Variants in CNTLN observed in about 807,000 individuals in gnomAD.
CNTLN encodes centlein, centrosomal protein.
In CNTLN, 212 loss-of-function variants were observed where a neutral mutation model predicts 180.0. The ratio of observed to expected loss-of-function variants is 1.18; its 90% CI spans 1.05 to 1.32. The LOEUF is 1.32. CNTLN is among the 40% of genes most tolerant of loss of function. The pLI, the probability that CNTLN is intolerant of heterozygous loss-of-function variation, is 0.00. For synonymous variants in CNTLN, 722 were observed against 563.1 expected (o/e 1.28, Z -3.99); for missense variants, 2,095 against 1,610.9 (o/e 1.30, Z -5.14).
At chr9:17,163,389 GTA>G (rs1485755387) in intron 2 of CNTLN, among the ~76,000 whole-genome samples, 3 of 152,296 alleles carry the variant, frequency 2.0e-5, no homozygotes, top group African/African-American at 7.2e-5. Context: ...AGAAATAAGA[GTA>G]TAACAAAGTA....
chr9:17,527,569 G>A, the CNTLN span, among the ~76,000 whole-genome samples: 2 of 152,118 alleles, frequency 1.3e-5, no homozygotes, highest in East Asian at 1.9e-4. Flanking sequence ...GGTGGAGTGG[G>A]TACTTACAGA....
chr9:17,381,938 GC>G (rs1009649244), intron 13 of CNTLN, among the ~76,000 whole-genome samples: 39 of 152,214 alleles, frequency 2.6e-4, no homozygotes, highest in Admixed American at 2.4e-3. Flanking sequence ...TGAGTTCTAG[GC>G]TCATTTATAC....
At chr9:17,215,415 T>G (rs927203538) in intron 2 of CNTLN, among the ~76,000 whole-genome samples, 3 of 152,178 alleles carry the variant, frequency 2.0e-5, no homozygotes, top group East Asian at 3.9e-4. Flanking sequence ...CTCTGGAAGC[T>G]TCATCTCAGA....
intron 10 of CNTLN, among the ~76,000 whole-genome samples, chr9:17,339,785 T>G (rs921658838): frequency 1.3e-5 from 2 of 152,210 alleles, no homozygotes; most frequent in Admixed American, 6.5e-5. Context: ...TTCTGAGGAC[T>G]AAGAATTTCG....
chr9:17,451,459 G>A (rs1830771029), intron 18 of CNTLN, among the ~76,000 whole-genome samples: 1 of 152,186 alleles, frequency 6.6e-6, no homozygotes. Context: ...AGATTTTGGA[G>A]AAGTTATTGG....
At chr9:17,351,073 A>G (rs1822322492) in intron 12 of CNTLN, among the ~76,000 whole-genome samples, 1 of 152,196 alleles carries the variant, frequency 6.6e-6, no homozygotes, top group Non-Finnish European at 1.5e-5. Flanking sequence ...TCTCGCCAGT[A>G]TATGAAAAAG....
At chr9:17,470,095 A>T (rs559875656) in intron 23 of CNTLN, among the ~76,000 whole-genome samples, 1 of 151,832 alleles carries the variant, frequency 6.6e-6, no homozygotes, top group Non-Finnish European at 1.5e-5. Flanking sequence ...GTAAACTTGT[A>T]TTTTTCTTTC....
At chr9:17,465,146 T>A (rs2134204264) in intron 21 of CNTLN, among the ~76,000 whole-genome samples, 1 of 150,152 alleles carries the variant, frequency 6.7e-6, no homozygotes, top group African/African-American at 2.4e-5. Context: ...TTGAAGGTGC[T>A]TTTTTCACAA....
intron 3 of CNTLN, among the ~76,000 whole-genome samples, chr9:17,230,631 A>G (rs1242311335): frequency 6.6e-6 from 1 of 151,918 alleles, no homozygotes; most frequent in Non-Finnish European, 1.5e-5. Context: ...CTCTGGTAAA[A>G]TAGTTTTTCT....
intron 21 of CNTLN, among the ~76,000 whole-genome samples, chr9:17,465,068 G>C (rs1831666839): frequency 6.6e-6 from 1 of 150,520 alleles, no homozygotes; most frequent in African/African-American, 2.4e-5. Flanking sequence ...CATGCAAAGG[G>C]AGTTGTAGTT....
At chr9:17,157,296 T>A (rs984347960) in intron 2 of CNTLN, among the ~76,000 whole-genome samples, 1 of 152,188 alleles carries the variant, frequency 6.6e-6, no homozygotes, top group Non-Finnish European at 1.5e-5. Flanking sequence ...TTAGTAATGA[T>A]TTATCTTTTT....
chr9:17,312,630 C>G (rs1819275859), intron 8 of CNTLN, among the ~76,000 whole-genome samples: 1 of 146,648 alleles, frequency 6.8e-6, no homozygotes, highest in Non-Finnish European at 1.5e-5. Flanking sequence ...ATCTCGATCT[C>G]CTGGCCTCGT....
intron 2 of CNTLN, among the ~76,000 whole-genome samples, chr9:17,199,008 A>G (rs972862878): frequency 9.9e-5 from 15 of 152,050 alleles, no homozygotes; most frequent in African/African-American, 3.6e-4. Flanking sequence ...ATGTGTCTTT[A>G]TAGTAGAAGG....
intron 18 of CNTLN, among the ~76,000 whole-genome samples, chr9:17,439,983 A>C (rs1830010068): frequency 6.6e-6 from 1 of 152,184 alleles, no homozygotes; most frequent in Non-Finnish European, 1.5e-5. Flanking sequence ...TAGCAGCCCA[A>C]ACTAAGACAC....
intron 2 of CNTLN, among the ~76,000 whole-genome samples, chr9:17,185,245 A>T (rs1352209209): frequency 6.6e-6 from 1 of 152,182 alleles, no homozygotes; most frequent in African/African-American, 2.4e-5. Context: ...TATCAATTTT[A>T]TTGCAATAGA....
At chr9:17,455,747 C>G in intron 18 of CNTLN, among the ~76,000 whole-genome samples, 1 of 149,244 alleles carries the variant, frequency 6.7e-6, no homozygotes, top group African/African-American at 2.5e-5. Context: ...TGGGGAATGG[C>G]AGGCAGGTTT....
the CNTLN span, among the ~76,000 whole-genome samples, chr9:17,527,021 G>A: frequency 6.6e-6 from 1 of 152,084 alleles, no homozygotes; most frequent in Non-Finnish European, 1.5e-5. Flanking sequence ...GGGATTATAG[G>A]CGTGCATCAC....
At chr9:17,505,349 A>G (rs1833913727), downstream of CNTLN, among the ~76,000 whole-genome samples, 1 of 152,094 alleles carries the variant, frequency 6.6e-6, no homozygotes, top group Admixed American at 6.6e-5. Flanking sequence ...AAAAGGAAAT[A>G]AAAGGCATCC....
chr9:17,308,818 A>G (rs1179186928), intron 7 of CNTLN, among the ~76,000 whole-genome samples: 1 of 151,718 alleles, frequency 6.6e-6, no homozygotes, highest in Non-Finnish European at 1.5e-5. Context: ...CCTTTTTAAC[A>G]TATTTTCTAG....
Sources: allele counts gnomAD v4.1 joint callset (sites outside exome capture counted in the v4.1 genomes callset), GRCh38; gene constraint gnomAD v4.1.1; transcripts MANE v1.5; gene names NCBI Gene and HGNC (gene_info 2026-07-23, HGNC 2026-07-21).